ESRRG: variants seen among roughly 807,000 people sequenced by gnomAD.
The protein encoded by ESRRG is estrogen related receptor gamma.
A neutral mutation model predicts 44.0 loss-of-function variants in ESRRG; 13 were observed. The ratio of observed to expected loss-of-function variants is 0.30; its 90% CI spans 0.19 to 0.47. The LOEUF is 0.47. Ranked by LOEUF, ESRRG falls within the 20% of genes least tolerant of loss-of-function variation. The pLI, the probability that ESRRG is intolerant of heterozygous loss-of-function variation, is 1.00. For synonymous variants in ESRRG, 215 were observed against 214.6 expected, an observed-to-expected ratio of 1.00 and a Z score of -0.02; for missense variants, 395 against 580.6, an observed-to-expected ratio of 0.68 and a Z score of 3.29.
chr1:216,929,996 A>G (rs982578015), intron 2 of ESRRG, among the ~76,000 whole-genome samples: 1 of 152,052 alleles, frequency 6.6e-6, no homozygotes, highest in Non-Finnish European at 1.5e-5. Context: ...GTTATTAGTC[A>G]CCACCTGATT....
At chr1:216,716,943 A>G (rs1575686314) in intron 1 of ESRRG, among the ~76,000 whole-genome samples, 1 of 151,990 alleles carries the variant, frequency 6.6e-6, no homozygotes, top group African/African-American at 2.4e-5. Flanking sequence ...GAAGGAAGCC[A>G]ATTTCTTTAA....
intron 1 of ESRRG, among the ~76,000 whole-genome samples, chr1:216,968,761 T>A (rs964609948): frequency 2.6e-5 from 4 of 150,982 alleles, no homozygotes; most frequent in Admixed American, 1.3e-4. Flanking sequence ...ACAGACTAAC[T>A]TGCTGAAATT....
At chr1:216,516,459 T>C (rs1400284612) in intron 6 of ESRRG, among the ~76,000 whole-genome samples, 1 of 152,086 alleles carries the variant, frequency 6.6e-6, no homozygotes, top group African/African-American at 2.4e-5. Flanking sequence ...TTTATAATGA[T>C]TGAATAAAGA....
chr1:216,669,121 A>G (rs938219627), intron 2 of ESRRG, among the ~76,000 whole-genome samples: 1 of 152,182 alleles, frequency 6.6e-6, no homozygotes, highest in Non-Finnish European at 1.5e-5. Flanking sequence ...AACAAAACAA[A>G]GAGTATGGAA....
intron 1 of ESRRG, among the ~76,000 whole-genome samples, chr1:216,967,965 T>C (rs2070812902): frequency 6.6e-6 from 1 of 152,200 alleles, no homozygotes; most frequent in South Asian, 2.1e-4. Flanking sequence ...ATTTCATTGT[T>C]GTTTTAATTT....
upstream of ESRRG, among the ~76,000 whole-genome samples, chr1:217,091,465 C>A (rs1450375476): frequency 6.6e-6 from 1 of 152,148 alleles, no homozygotes; most frequent in South Asian, 2.1e-4. Flanking sequence ...GATCTTTTCC[C>A]TTTAGAGTCA....
At chr1:216,870,267 T>C (rs867583660) in intron 2 of ESRRG, among the ~76,000 whole-genome samples, 17 of 151,982 alleles carry the variant, frequency 1.1e-4, no homozygotes, top group African/African-American at 3.9e-4. Flanking sequence ...TTTTTTTTTT[T>C]TCTGGAGGAT....
intron 1 of ESRRG, among the ~76,000 whole-genome samples, chr1:217,004,897 T>C (rs760909853): frequency 5.3e-5 from 8 of 152,158 alleles, no homozygotes; most frequent in Non-Finnish European, 1.2e-4. Flanking sequence ...TTTGGACTTT[T>C]TACTACCAAG....
chr1:217,012,633 T>C (rs17635718), intron 1 of ESRRG, among the ~76,000 whole-genome samples: 24,348 of 152,200 alleles, frequency 0.16, 2,473 homozygotes, highest in Admixed American at 0.22. Flanking sequence ...CGTCCTTTCC[T>C]TCCACAGGTT....
At chr1:216,977,485 C>A (rs2073177847) in intron 1 of ESRRG, among the ~76,000 whole-genome samples, 1 of 152,062 alleles carries the variant, frequency 6.6e-6, no homozygotes, top group Non-Finnish European at 1.5e-5. Flanking sequence ...CTTTCTCAAA[C>A]CCTTCTACAT....
chr1:216,901,167 A>T (rs768638709), intron 2 of ESRRG, among the ~76,000 whole-genome samples: 1 of 151,336 alleles, frequency 6.6e-6, no homozygotes, highest in East Asian at 2.0e-4. Context: ...TGTTGTGTGC[A>T]TGGGGGGTGG....
At chr1:216,991,641 TGGG>T in intron 1 of ESRRG, among the ~76,000 whole-genome samples, 3 of 68,918 alleles carry the variant, frequency 4.4e-5, no homozygotes, top group East Asian at 8.1e-4. Flanking sequence ...TGGGATGGGA[TGGG>T]ATGGGATGGG....
intron 1 of ESRRG, among the ~76,000 whole-genome samples, chr1:217,133,026 C>T (rs994681652): frequency 3.3e-5 from 5 of 152,164 alleles, no homozygotes; most frequent in African/African-American, 9.7e-5. Context: ...ACTTGGGGTC[C>T]TTCCTATCTA....
At chr1:216,621,304 A>G (rs1382750310) in intron 3 of ESRRG, among the ~76,000 whole-genome samples, 1 of 152,204 alleles carries the variant, frequency 6.6e-6, no homozygotes, top group African/African-American at 2.4e-5. Context: ...TACTAAAAGA[A>G]CCATCCCAGT....
intron 2 of ESRRG, among the ~76,000 whole-genome samples, chr1:216,910,676 T>C (rs1417864460): frequency 1.3e-5 from 2 of 152,168 alleles, no homozygotes; most frequent in Admixed American, 6.5e-5. Flanking sequence ...GGGCCGACAA[T>C]GCTTTCTTTG....
chr1:216,661,727 C>T (rs1056327484), intron 2 of ESRRG, among the ~76,000 whole-genome samples: 13 of 145,230 alleles, frequency 9.0e-5, no homozygotes, highest in African/African-American at 3.0e-4. Flanking sequence ...TATCAATGTG[C>T]CCAAAGTTTG....
At chr1:216,988,177 C>A (rs1209815588) in intron 1 of ESRRG, among the ~76,000 whole-genome samples, 1 of 152,118 alleles carries the variant, frequency 6.6e-6, no homozygotes, top group Non-Finnish European at 1.5e-5. Context: ...AGTAAAGGTA[C>A]ATCTAGAGTT....
intron 1 of ESRRG, among the ~76,000 whole-genome samples, chr1:217,118,946 T>C (rs2092777046): frequency 6.6e-6 from 1 of 151,974 alleles, no homozygotes; most frequent in African/African-American, 2.4e-5. Context: ...TGAGCCATGA[T>C]CATGCCACTG....
At chr1:216,713,751 C>A (rs1454842954) in intron 1 of ESRRG, among the ~76,000 whole-genome samples, 1 of 152,166 alleles carries the variant, frequency 6.6e-6, no homozygotes, top group Admixed American at 6.5e-5. Flanking sequence ...AAGCACCCCT[C>A]CTATTTAACT....
Sources: allele counts gnomAD v4.1 joint callset (sites outside exome capture counted in the v4.1 genomes callset), GRCh38; gene constraint gnomAD v4.1.1; transcripts MANE v1.5; gene names NCBI Gene and HGNC (gene_info 2026-07-23, HGNC 2026-07-21).